MAPK8: variants seen among roughly 807,000 people sequenced by gnomAD.
The protein encoded by MAPK8 is mitogen-activated protein kinase 8.
MAPK8 carries 13 observed loss-of-function variants against 52.9 expected under a neutral mutation model. The observed-to-expected ratio is 0.25, with a 90% confidence interval of 0.16 to 0.39. The LOEUF is 0.39. Ranked by LOEUF, MAPK8 falls within the 10% of genes least tolerant of loss-of-function variation. MAPK8 has a pLI of 1.00. For missense variants in MAPK8, 300 were observed against 519.2 expected, an observed-to-expected ratio of 0.58 and a Z score of 4.10; for synonymous variants, 191 against 169.8, an observed-to-expected ratio of 1.12 and a Z score of -0.97.
At chr10:48,328,283 T>C (rs995201832) in intron 1 of MAPK8, among the ~76,000 whole-genome samples, 2 of 151,892 alleles carry the variant, frequency 1.3e-5, no homozygotes, top group Non-Finnish European at 2.9e-5. Context: ...GTTTTATTTA[T>C]ATTTTCAATG....
chr10:48,425,406 C>G, intron 7 of MAPK8: 1 of 441,334 alleles, frequency 2.3e-6, no homozygotes, highest in Non-Finnish European at 4.0e-6. Context: ...TTTATCGAAG[C>G]CTTTATTTTT....
intron 1 of MAPK8, among the ~76,000 whole-genome samples, chr10:48,372,283 T>C (rs1185960068): frequency 2.6e-5 from 4 of 151,734 alleles, no homozygotes; most frequent in Admixed American, 1.3e-4. Flanking sequence ...GCGCAAAAAG[T>C]CTGAAAATTC....
At chr10:48,410,320 C>T in intron 5 of MAPK8, 152 bp downstream of exon 5, 3 of 527,590 alleles carry the variant, frequency 5.7e-6, no homozygotes, top group Non-Finnish European at 9.0e-6. Context: ...TTTCATTACC[C>T]CCAAAAAAGT....
chr10:48,365,532 G>A (rs146816982), intron 1 of MAPK8, among the ~76,000 whole-genome samples: 167 of 152,072 alleles, frequency 1.1e-3, no homozygotes, highest in African/African-American at 3.4e-3. Flanking sequence ...AGATATTGCC[G>A]TCAGTACTAT....
At chr10:48,422,483 G>A (rs1240087028) in intron 6 of MAPK8, among the ~76,000 whole-genome samples, 1 of 152,188 alleles carries the variant, frequency 6.6e-6, no homozygotes, top group East Asian at 1.9e-4. Flanking sequence ...TCAGACTTAT[G>A]TTCCTAGTCT....
chr10:48,340,539 TTAAAA>T (rs1460123993), intron 1 of MAPK8, among the ~76,000 whole-genome samples: 29 of 152,320 alleles, frequency 1.9e-4, no homozygotes, highest in Middle Eastern at 3.4e-3. Context: ...GAATCTATAC[TTAAAA>T]TAAATATACT....
chr10:48,379,158 T>G (rs1380653965), intron 1 of MAPK8, among the ~76,000 whole-genome samples: 1 of 152,232 alleles, frequency 6.6e-6, no homozygotes, highest in African/African-American at 2.4e-5. Context: ...CCTGTGCCTG[T>G]AATACTTTCA....
intron 10 of MAPK8, among the ~76,000 whole-genome samples, chr10:48,428,613 C>T (rs2043873367): frequency 6.6e-6 from 1 of 152,004 alleles, no homozygotes; most frequent in Non-Finnish European, 1.5e-5. Context: ...TTAGCAGAGC[C>T]CGTGATAAAG....
intron 1 of MAPK8, among the ~76,000 whole-genome samples, chr10:48,353,707 G>A (rs986301669): frequency 1.3e-5 from 2 of 152,236 alleles, no homozygotes; most frequent in African/African-American, 4.8e-5. Flanking sequence ...GGAATGTGAT[G>A]TATATGCAAC....
At chr10:48,405,821 AT>A (rs1279169121) in intron 3 of MAPK8, among the ~76,000 whole-genome samples, 1 of 152,168 alleles carries the variant, frequency 6.6e-6, no homozygotes, top group African/African-American at 2.4e-5. Context: ...AGATAATACA[AT>A]TTACCACATT....
intron 1 of MAPK8, among the ~76,000 whole-genome samples, chr10:48,361,290 G>C (rs1424109107): frequency 1.3e-5 from 2 of 152,064 alleles, no homozygotes; most frequent in Non-Finnish European, 2.9e-5. Context: ...TGCTTTTCCA[G>C]TGTGTCACTT....
intron 11 of MAPK8, 59 bp downstream of exon 11, chr10:48,431,329 A>G (rs549255000): frequency 1.0e-4 from 114 of 1,132,186 alleles, no homozygotes; most frequent in Non-Finnish European, 1.3e-4. Flanking sequence ...TGTAATCTTC[A>G]GTGGCCTGAA....
rs1307492011 is a variant in MAPK8 at position 48,439,169 on chromosome 10, CCT to C, written c.*4144_*4145del. ...TCCTCTCCTTCCCTGTGTTCCGTTC[CCT>C]CTCCTTTCCTCTAGACAAAACAAAA... On this transcript the variant is annotated 3_prime_UTR_variant, in exon 12 of 12. Transcript: ENST00000374189. 1.3e-5 allele frequency: 2 copies of C among 151,636 alleles called. No individual in the cohort carries two copies. Among genetic ancestry groups the C allele is most frequent in the East Asian group, 3.9e-4 (2 of 5,180 alleles). The allele number at this position is 151,636 out of a possible 1,614,324, so 9.4% of individuals were successfully genotyped here. A position where few individuals can be genotyped will look rare whatever the true frequency, so the allele number is the denominator to read the frequency against.
intron 1 of MAPK8, among the ~76,000 whole-genome samples, chr10:48,378,767 C>T (rs1047927125): frequency 2.6e-5 from 4 of 151,546 alleles, no homozygotes; most frequent in Admixed American, 6.6e-5. Flanking sequence ...TACATTTATA[C>T]TTAGAAATTT....
chr10:48,393,137 T>C (rs1363886522), intron 1 of MAPK8, among the ~76,000 whole-genome samples: 6 of 152,160 alleles, frequency 3.9e-5, no homozygotes, highest in Non-Finnish European at 8.8e-5. Context: ...ATCTTTTTAC[T>C]TAACGACTAC....
chr10:48,329,238 C>T (rs1028403905), intron 1 of MAPK8, among the ~76,000 whole-genome samples: 2 of 152,220 alleles, frequency 1.3e-5, no homozygotes, highest in Non-Finnish European at 2.9e-5. Flanking sequence ...CCTCTTTCCT[C>T]TGCTAGTTAA....
At chr10:48,342,368 A>C (rs1845377081) in intron 1 of MAPK8, among the ~76,000 whole-genome samples, 1 of 152,082 alleles carries the variant, frequency 6.6e-6, no homozygotes, top group Non-Finnish European at 1.5e-5. Context: ...GCCTCCAAAA[A>C]TGTTGGAATT....
intron 1 of MAPK8, among the ~76,000 whole-genome samples, chr10:48,324,289 T>C (rs1191440414): frequency 6.6e-6 from 1 of 152,216 alleles, no homozygotes; most frequent in Non-Finnish European, 1.5e-5. Flanking sequence ...CCATAGCTCT[T>C]GTGAAGGTGT....
chr10:48,313,777 C>T (rs1011578211), intron 1 of MAPK8, among the ~76,000 whole-genome samples: 5 of 152,024 alleles, frequency 3.3e-5, no homozygotes, highest in African/African-American at 7.2e-5. Flanking sequence ...TTTTTTGAGA[C>T]GGAGTCTCAC....
Sources: allele counts gnomAD v4.1 joint callset (sites outside exome capture counted in the v4.1 genomes callset), GRCh38; gene constraint gnomAD v4.1.1; transcripts MANE v1.5; gene names NCBI Gene and HGNC (gene_info 2026-07-23, HGNC 2026-07-21).